PCDHGB4: variants seen among roughly 807,000 people sequenced by gnomAD.
PCDHGB4 encodes the protein protocadherin gamma subfamily B, 4.
PCDHGB4 carries 38 observed loss-of-function variants against 60.5 expected under a neutral mutation model. That is an observed-to-expected ratio of 0.63 (90% CI 0.48 to 0.82). The LOEUF (loss-of-function observed/expected upper bound fraction) is 0.82, where lower values mean the gene tolerates loss of function less well. Among genes scored for constraint, PCDHGB4 ranks in the 40% least tolerant of loss-of-function variants. PCDHGB4 has a pLI of 0.00. For missense variants in PCDHGB4, 1,109 were observed against 1,209.6 expected, an observed-to-expected ratio of 0.92 and a Z score of 1.23; for synonymous variants, 456 against 509.7, an observed-to-expected ratio of 0.89 and a Z score of 1.42.
Position 141,388,496 on chromosome 5 carries a change from G to C in PCDHGB4, c.612G>C (p.Lys204Asn). ...MVLKTPLDRE[K>N]QKSYHLTLTA... is the part of the protein sequence containing the mutation. The stretch of plus-strand genomic sequence containing the variant: ...TGAAGACACCTTTGGACAGAGAAAA[G>C]CAGAAATCCTACCACTTGACTTTGA... Residue 204 changes from lysine (K) to asparagine (N), a missense_variant, in exon 1 of 4, where the codon AAG becomes AAC. Lys to Asn is a moderately conservative substitution (Grantham distance 94). Around this residue, in one of 2 missense-constraint regions of PCDHGB4, gnomAD observed 1,068 missense variants for 1,089.9 expected, o/e 0.98. Coordinates refer to ENST00000519479, the MANE Select transcript of PCDHGB4 (RefSeq NM_003736.4). 1 of 1,613,828 alleles carries C rather than the reference G, an allele frequency of 6.2e-7. No individual in the cohort carries two copies. Among genetic ancestry groups the C allele is most frequent in the Admixed American group, 1.7e-5 (1 of 60,022 alleles).
intron 1 of PCDHGB4, 121 bp downstream of exon 1, chr5:141,390,402 A>G: frequency 1.5e-6 from 2 of 1,321,630 alleles, no homozygotes; most frequent in Non-Finnish European, 2.1e-6. Flanking sequence ...CATTTTAGGA[A>G]AGTTGTAGTC....
In PCDHGB4 at chr5:141,414,101, A is replaced by G. The variant is rs759223225; in HGVS notation, c.2397+23820A>G. On this transcript the variant is annotated intron_variant, in intron 1 of 3. Transcript: ENST00000519479. ...TATACTGGAGAAATAAAAATATCAG[A>G]AAATCTAGATTATGAAGAAACCGGT... 1.9e-6 allele frequency: 3 copies of G among 1,593,930 alleles called. No individual in the cohort carries two copies. The African/African-American group carries it at 4.0e-5, about 21-fold the overall frequency.
chr5:141,477,551 C>A lies in PCDHGB4; in HGVS notation c.2398-17256C>A. The A allele has an allele frequency of 6.2e-7, 1 of 1,614,178 alleles. No homozygotes were observed. The highest frequency in any genetic ancestry group is 1.3e-5 in the African/African-American group (1 of 75,032). ...CCTCCCCGGGGCTCCAATACTAAAC[C>A]TAAGTGTCTGGGACCCCGACGCCCC... is the stretch of plus-strand genomic sequence containing the variant. On this transcript the variant is annotated intron_variant, in intron 1 of 3. Transcript: ENST00000519479. The surrounding 1 kb of genome is among the most constrained non-coding windows in gnomAD (Gnocchi z 4.9).
intron 1 of PCDHGB4, chr5:141,408,300 T>TC: frequency 6.2e-7 from 1 of 1,613,732 alleles, no homozygotes; most frequent in South Asian, 1.1e-5. Context: ...AGTGAGCCGA[T>TC]CCGCTACTCG....
rs980944782 is a variant in PCDHGB4 at position 141,487,625 on chromosome 5, T to C, written c.2398-7182T>C. On this transcript the variant is annotated intron_variant, in intron 1 of 3. Coordinates refer to ENST00000519479, the MANE Select transcript of PCDHGB4 (RefSeq NM_003736.4). This position sits in a 1 kb window ranked among gnomAD's most constrained non-coding sequence, Gnocchi z 5.0. ...TCTCTATGGGCTAGAGGTGAGACCT[T>C]TGCAGGCTCAACAAATGCTTGAGGG... 4 of 1,614,090 alleles carry C rather than the reference T, an allele frequency of 2.5e-6. No homozygotes were observed. Among genetic ancestry groups the C allele is most frequent in the Admixed American group, 3.3e-5 (2 of 60,004 alleles).
intron 2 of PCDHGB4, among the ~76,000 whole-genome samples, chr5:141,497,248 G>A (rs1442942520): frequency 6.6e-6 from 1 of 152,128 alleles, no homozygotes; most frequent in African/African-American, 2.4e-5. Context: ...AGGAGGAGGT[G>A]ACATTGAGAA....
chr5:141,492,464 C>G (rs1595116794), intron 1 of PCDHGB4, among the ~76,000 whole-genome samples: 1 of 152,354 alleles, frequency 6.6e-6, no homozygotes, highest in Non-Finnish European at 1.5e-5. Context: ...GCCTGAGGGT[C>G]CCAGATCGCG....
intron 1 of PCDHGB4, among the ~76,000 whole-genome samples, chr5:141,469,538 G>A (rs2099204234): frequency 6.6e-6 from 1 of 152,168 alleles, no homozygotes; most frequent in Non-Finnish European, 1.5e-5. Flanking sequence ...TTGTGCCACT[G>A]CACTCCAGCC....
chr5:141,482,530 C>CAAAAAAAAAAA (rs3074545), intron 1 of PCDHGB4, among the ~76,000 whole-genome samples: 21 of 76,546 alleles, frequency 2.7e-4, no homozygotes, highest in African/African-American at 4.8e-4. Context: ...GACAGACATG[C>CAAAAAAAAAAA]AAAAAAAAAA....
At chr5:141,438,635 T>TATAC (rs1460604450) in intron 1 of PCDHGB4, among the ~76,000 whole-genome samples, 1 of 33,416 alleles carries the variant, frequency 3.0e-5, no homozygotes, top group Admixed American at 4.2e-4. Context: ...TATATATATA[T>TATAC]ACACACACAC....
At chr5:141,423,920 G>A (rs2096790804) in intron 1 of PCDHGB4, 2 of 1,258,728 alleles carry the variant, frequency 1.6e-6, no homozygotes, top group African/African-American at 1.6e-5. Flanking sequence ...ATTCAACTAT[G>A]CTGGTTTGGT....
Position 141,388,710 on chromosome 5 carries a change from G to T in PCDHGB4, c.826G>T (p.Glu276Ter). The T allele has an allele frequency of 6.2e-7, 1 of 1,613,966 alleles. No homozygotes were observed. The highest frequency in any genetic ancestry group is 8.5e-7 in the Non-Finnish European group (1 of 1,179,890). The change falls in exon 1 of 4, where the codon GAG becomes TAG. Residue 276 changes from glutamate (E) to a stop codon, truncating the protein, a stop_gained. Coordinates refer to ENST00000519479, the MANE Select transcript of PCDHGB4 (RefSeq NM_003736.4). LOFTEE classifies it high-confidence loss of function. ...ATDQDEGVNAEITFSFSEASQ... is the reference protein window; with the variant it reads ...ATDQDEGVNA ...GGACCAGGATGAGGGTGTCAATGCC[G>T]AGATTACTTTCTCTTTCAGTGAAGC...
chr5:141,460,669 TTATATATC>T (rs1176483278), intron 1 of PCDHGB4, among the ~76,000 whole-genome samples: 1 of 152,032 alleles, frequency 6.6e-6, no homozygotes, highest in African/African-American at 2.4e-5. Flanking sequence ...GTAAACACAG[TTATATATC>T]TATATATCCA....
Position 141,431,033 on chromosome 5 carries a change from C to G in PCDHGB4, c.2397+40752C>G, listed in dbSNP as rs1006751011. ...CTTGGTCACGGCGGGCAGGATAGAC[C>G]GGGAGGAGCTCTGTATGGGGGCCAT... On this transcript the variant is annotated intron_variant, in intron 1 of 3. Coordinates refer to ENST00000519479, the MANE Select transcript of PCDHGB4 (RefSeq NM_003736.4). This position sits in a 1 kb window ranked among gnomAD's most constrained non-coding sequence, Gnocchi z 4.8. 1.2e-6 allele frequency: 2 copies of G among 1,613,980 alleles called. No individual in the cohort carries two copies. Among genetic ancestry groups the G allele is most frequent in the Admixed American group, 3.3e-5 (2 of 60,024 alleles).
intron 1 of PCDHGB4, among the ~76,000 whole-genome samples, chr5:141,460,914 A>G (rs62379191): frequency 4.9e-5 from 6 of 122,236 alleles, no homozygotes; most frequent in Non-Finnish European, 5.2e-5. Context: ...TCCATGGTGT[A>G]TATATATATA....
At chr5:141,404,855 A>G (rs370062374) in intron 1 of PCDHGB4, 13 of 1,613,704 alleles carry the variant, frequency 8.1e-6, no homozygotes, top group African/African-American at 2.7e-5. Flanking sequence ...CCTGCTAGAT[A>G]GAGATGCGCT....
intron 1 of PCDHGB4, chr5:141,413,818 G>T: frequency 6.2e-7 from 1 of 1,613,138 alleles, no homozygotes; most frequent in Non-Finnish European, 8.5e-7. Context: ...TCACCACCTG[G>T]TCCTCACCGC....
rs771162532 is a variant in PCDHGB4, at chr5:141,491,756, C to A, written c.2398-3051C>A. On this transcript the variant is annotated intron_variant, in intron 1 of 3. Transcript: ENST00000519479. The surrounding 1 kb of genome is among the most constrained non-coding windows in gnomAD (Gnocchi z 6.9). ...CCTGGGGGCGGCACTGGAGAAGCCGCCCGTCCTCATAAGGGATTGAACTTG... is the reference window on the plus strand; with the variant it reads ...CCTGGGGGCGGCACTGGAGAAGCCGACCGTCCTCATAAGGGATTGAACTTG... The A allele has an allele frequency of 6.3e-7, 1 of 1,581,720 alleles. No individual in the cohort carries two copies. Among genetic ancestry groups the A allele is most frequent in the Middle Eastern group, 1.7e-4 (1 of 5,958 alleles).
intron 1 of PCDHGB4, among the ~76,000 whole-genome samples, chr5:141,461,805 C>T (rs773854105): frequency 4.6e-5 from 7 of 151,854 alleles, no homozygotes; most frequent in Non-Finnish European, 8.8e-5. Flanking sequence ...AGGTGCCCAC[C>T]ACCACACCCA....
Sources: gnomAD v4.1 joint callset for allele counts (sites outside exome capture counted in the v4.1 genomes callset) on GRCh38, gnomAD v4.1.1 for gene constraint, gnomAD v4.1.1 regional missense constraint, Gnocchi (gnomAD v3.1) non-coding constraint, MANE v1.5 for transcripts, NCBI Gene and HGNC (gene_info 2026-07-23, HGNC 2026-07-21) for gene names.